SPTB: variants seen among roughly 807,000 people sequenced by gnomAD.
The protein encoded by SPTB is spectrin beta, erythrocytic.
A neutral mutation model predicts 256.2 loss-of-function variants in SPTB; 45 were observed. The observed-to-expected ratio is 0.18, with a 90% confidence interval of 0.14 to 0.23. The LOEUF is 0.23. Ranked by LOEUF, SPTB falls within the 10% of genes least tolerant of loss-of-function variation. SPTB has a pLI of 1.00. For missense variants in SPTB, 2,715 were observed against 3,040.4 expected (o/e 0.89, Z 2.52); for synonymous variants, 1,231 against 1,243.1 (o/e 0.99, Z 0.21).
At chr14:64,831,816 T>C (rs2083456545) in intron 1 of SPTB, among the ~76,000 whole-genome samples, 1 of 152,110 alleles carries the variant, frequency 6.6e-6, no homozygotes, top group African/African-American at 2.4e-5. Context: ...TGCTGGAGGA[T>C]CATAGAAACA....
chr14:64,811,090 GTGAA>G (rs1378031205), intron 2 of SPTB, among the ~76,000 whole-genome samples: 1 of 152,074 alleles, frequency 6.6e-6, no homozygotes, highest in East Asian at 1.9e-4. Flanking sequence ...TCCAGCCTGG[GTGAA>G]AGATTGAGAC....
rs60481761 is a variant in SPTB, at chr14:64,871,795, T to C, written c.-52+7997A>G. On this transcript the variant is annotated intron_variant, in intron 1 of 35. Transcript: ENST00000644917. Reference sequence around the variant, plus strand: ...TGTATACCCTTGTATAATATGGATATATGTTTTAACCACGTACATGAGTTT... The same window carrying C: ...TGTATACCCTTGTATAATATGGATACATGTTTTAACCACGTACATGAGTTT... Among the ~76,000 whole-genome samples the C allele has an allele frequency of 1.2e-3, 177 of 152,374 alleles. 1 individual carries two copies. The highest frequency in any genetic ancestry group is 4.2e-3 in the African/African-American group (174 of 41,590).
At chr14:64,832,555 G>A (rs1220212622) in intron 1 of SPTB, among the ~76,000 whole-genome samples, 1 of 152,094 alleles carries the variant, frequency 6.6e-6, no homozygotes, top group Admixed American at 6.6e-5. Context: ...ACCATCTTAT[G>A]CTAATGACTT....
rs1382765082 is a variant in SPTB at position 64,759,827 on chromosome 14, A to C, written c.6346-6034T>G. 6.6e-6 allele frequency among the ~76,000 whole-genome samples: 1 copy of C among 152,208 alleles called. No homozygotes were observed. The highest frequency in any genetic ancestry group is 1.5e-5 in the Non-Finnish European group (1 of 68,042). ...GGAAGAGAGTCCCGCTGCTTGGAAG[A>C]AATTCTGGGTGTCCAGTTGCGGGCA... On this transcript the variant is annotated intron_variant, in intron 32 of 35. Coordinates refer to ENST00000644917, the MANE Select transcript of SPTB (RefSeq NM_001355436.2). This position sits in a 1 kb window ranked among gnomAD's most constrained non-coding sequence, Gnocchi z 4.8.
intron 30 of SPTB, 47 bp downstream of exon 30, chr14:64,767,616 G>C: frequency 7.5e-6 from 12 of 1,608,050 alleles, no homozygotes; most frequent in Non-Finnish European, 9.3e-6. Context: ...ACCCCTGGGG[G>C]CACAGTTGCC....
At position 64,759,863 on chromosome 14, in the gene SPTB, C is replaced by G. The variant is rs1321847260; in HGVS notation, c.6346-6070G>C. On this transcript the variant is annotated intron_variant, in intron 32 of 35. Coordinates refer to ENST00000644917, the MANE Select transcript of SPTB (RefSeq NM_001355436.2). The surrounding 1 kb of genome is among the most constrained non-coding windows in gnomAD (Gnocchi z 4.8). ...GTCCAGTTGCGGGCAGCAAGGGAGT[C>G]TAGACCATAAATGGAGGTGAAGGAG... Among the ~76,000 whole-genome samples, 1 of 152,196 alleles carries G rather than the reference C, an allele frequency of 6.6e-6. No homozygotes were observed. The highest frequency in any genetic ancestry group is 1.9e-4 in the East Asian group (1 of 5,198).
chr14:64,878,045 A>G (rs550644584), intron 1 of SPTB, among the ~76,000 whole-genome samples: 2 of 152,350 alleles, frequency 1.3e-5, no homozygotes, highest in African/African-American at 4.8e-5. Flanking sequence ...GGTGCTTACA[A>G]TTCCATGAGT....
At chr14:64,768,135 G>T in intron 29 of SPTB, 1 of 504,678 alleles carries the variant, frequency 2.0e-6, no homozygotes, top group South Asian at 2.0e-5. Flanking sequence ...TCAGCCTCCT[G>T]GGTTCAAGTG....
intron 9 of SPTB, among the ~76,000 whole-genome samples, chr14:64,798,483 G>C (rs1319457283): frequency 2.0e-5 from 3 of 152,180 alleles, no homozygotes; most frequent in Non-Finnish European, 4.4e-5. Flanking sequence ...CCAGGTATCA[G>C]GTACTTCCAC....
intron 32 of SPTB, 65 bp downstream of exon 32, chr14:64,766,661 T>C (rs780235497): frequency 6.2e-7 from 1 of 1,612,764 alleles, no homozygotes; most frequent in South Asian, 1.1e-5. Flanking sequence ...CTGAGCCTAG[T>C]AGGGGTGAGA....
At chr14:64,794,267 G>A (rs2082727213) in intron 13 of SPTB, among the ~76,000 whole-genome samples, 200 bp downstream of exon 13, 2 of 152,178 alleles carry the variant, frequency 1.3e-5, no homozygotes, top group South Asian at 4.1e-4. Context: ...TGCCTCCTTG[G>A]TGATTATAGG....
intron 1 of SPTB, among the ~76,000 whole-genome samples, chr14:64,851,355 C>G (rs533116546): frequency 6.6e-6 from 1 of 152,146 alleles, no homozygotes; most frequent in Non-Finnish European, 1.5e-5. Flanking sequence ...CTAACATTAT[C>G]TACTTTATGG....
Position 64,866,941 on chromosome 14 carries a change from G to A in SPTB, c.-52+12851C>T, listed in dbSNP as rs1386112625. The stretch of plus-strand genomic sequence containing the variant: ...AATCTTGTGTCCGTGGATCTGAAAC[G>A]CCCACTCAAAGAGCCTTTCATAGCT... On this transcript the variant is annotated intron_variant, in intron 1 of 35. Transcript: ENST00000644917. The surrounding 1 kb of genome is among the most constrained non-coding windows in gnomAD (Gnocchi z 4.6). Among the ~76,000 whole-genome samples, 8 of 151,994 alleles carry A rather than the reference G, an allele frequency of 5.3e-5. No homozygotes were observed. Among genetic ancestry groups the A allele is most frequent in the Admixed American group, 6.6e-5 (1 of 15,258 alleles).
Position 64,774,541 on chromosome 14 carries a change from G to C in SPTB, c.4843-14C>G. The C allele has an allele frequency of 3.2e-6, 5 of 1,552,374 alleles. No homozygotes were observed. The highest frequency in any genetic ancestry group is 3.5e-6 in the Non-Finnish European group (4 of 1,147,620). On this transcript the variant is annotated splice_polypyrimidine_tract_variant and intron_variant, in intron 23 of 35. Coordinates refer to ENST00000644917, the MANE Select transcript of SPTB (RefSeq NM_001355436.2). ...GCCCTCTTCATCCTAGGAGGCAGCA[G>C]ACGGTCAGCGCCAGAGCTCAGTCTG...
At chr14:64,755,468 A>T (rs772206264) in intron 32 of SPTB, 1 of 152,212 alleles carries the variant, frequency 6.6e-6, no homozygotes, top group African/African-American at 2.4e-5. Context: ...GTTACATGGT[A>T]GGGATCCAGT....
intron 1 of SPTB, among the ~76,000 whole-genome samples, chr14:64,837,563 G>C (rs2083544043): frequency 6.6e-6 from 1 of 152,118 alleles, no homozygotes; most frequent in South Asian, 2.1e-4. Context: ...AATCCCAGGA[G>C]AACTTTTTTT....
intron 2 of SPTB, among the ~76,000 whole-genome samples, chr14:64,822,380 A>T (rs917386699): frequency 6.5e-5 from 8 of 122,404 alleles, no homozygotes; most frequent in Non-Finnish European, 1.1e-4. Context: ...TCTCTCACAC[A>T]CACACACACA....
intron 29 of SPTB, among the ~76,000 whole-genome samples, chr14:64,768,764 G>A (rs1273888185): frequency 2.0e-5 from 3 of 148,260 alleles, no homozygotes; most frequent in Non-Finnish European, 3.0e-5. Context: ...ATACCAGCCC[G>A]GGCATGAGGC....
rs2082847971 is a variant in SPTB at position 64,799,857 on chromosome 14, G to A, written c.954C>T (p.Ile318=). Residue 318 remains isoleucine (I), a synonymous_variant, in exon 9 of 36, where the codon ATC becomes ATT. Transcript: ENST00000644917. ...TGTTCAGGACAGTGATGGTCTGCTC[G>A]ATCCAGGTGAGCAGGTCCGAGGCTA... The part of the protein sequence containing the change: ...SGLASDLLTW[I]EQTITVLNSR... 20 of 1,614,108 alleles carry A rather than the reference G, an allele frequency of 1.2e-5. No individual in the cohort carries two copies. The highest frequency in any genetic ancestry group is 1.7e-5 in the Admixed American group (1 of 60,006).
Sources: gnomAD v4.1 joint callset for allele counts (sites outside exome capture counted in the v4.1 genomes callset) on GRCh38, gnomAD v4.1.1 for gene constraint, Gnocchi (gnomAD v3.1) non-coding constraint, MANE v1.5 for transcripts, NCBI Gene and HGNC (gene_info 2026-07-23, HGNC 2026-07-21) for gene names.